PDE6B: variants seen among roughly 807,000 people sequenced by gnomAD.
PDE6B encodes the protein rod cGMP-specific 3',5'-cyclic phosphodiesterase subunit beta.
Under a neutral mutation model 109.0 loss-of-function variants are expected in PDE6B, and 106 were observed. The observed-to-expected ratio is 0.97, with a 90% CI of 0.83 to 1.14. The LOEUF (loss-of-function observed/expected upper bound fraction) is 1.14. Ranked by LOEUF, PDE6B falls within the 50% of genes most tolerant of loss-of-function variation. The probability of loss-of-function intolerance (pLI) is 0.00; values close to 1 mark genes in which losing one functional copy is unlikely to be tolerated. For synonymous variants in PDE6B, 490 were observed against 471.3 expected, an observed-to-expected ratio of 1.04 and a Z score of -0.51; for missense variants, 1,193 against 1,155.6, an observed-to-expected ratio of 1.03 and a Z score of -0.47.
rs776654182 is a variant in PDE6B at position 662,550 on chromosome 4, C to T, written c.1764C>T (p.Phe588=). 1.3e-5 allele frequency: 21 copies of T among 1,613,008 alleles called. No homozygotes were observed. Among genetic ancestry groups the T allele is most frequent in the African/African-American group, 2.7e-5 (2 of 74,946 alleles). The change falls in exon 14 of 22, where the codon TTC becomes TTT. Residue 588 remains phenylalanine, a synonymous_variant. Transcript: ENST00000496514. This position sits in a 1 kb window ranked among gnomAD's most constrained non-coding sequence, Gnocchi z 4.3. ...GCTACTACACGGACCTGGAGGCCTT[C>T]GCCATGGTGACAGCCGGCCTGTGCC... ...LKSYYTDLEA[F]AMVTAGLCHD... is the part of the protein sequence containing the mutation.
At chr4:628,344 T>A (rs1734220328) in intron 1 of PDE6B, among the ~76,000 whole-genome samples, 1 of 152,192 alleles carries the variant, frequency 6.6e-6, no homozygotes, top group South Asian at 2.1e-4. Flanking sequence ...CACCGGCCAG[T>A]TCAGGAGAGC....
chr4:631,469 G>C (rs2030100024), intron 1 of PDE6B, among the ~76,000 whole-genome samples: 1 of 152,050 alleles, frequency 6.6e-6, no homozygotes, highest in African/African-American at 2.4e-5. Flanking sequence ...GGGTTACATT[G>C]TGTGGATCCC....
In PDE6B at chr4:662,218, C is replaced by A; in HGVS notation, c.1699C>A (p.Gln567Lys). The part of the protein sequence containing the change: ...HNWRHGFNVA[Q>K]TMFTLLMTGK... Reference sequence around the variant, plus strand: ...CTGGCGCCACGGCTTCAACGTGGCCCAGACGATGTTCACGCTGCTCATGGT... The same window carrying A: ...CTGGCGCCACGGCTTCAACGTGGCCAAGACGATGTTCACGCTGCTCATGGT... The change falls in exon 13 of 22, where the codon CAG (glutamine) becomes AAG (lysine). Residue 567 changes from glutamine to lysine, a missense_variant. By Grantham distance (53) the Gln-to-Lys change is moderately conservative. Coordinates refer to ENST00000496514, the MANE Select transcript of PDE6B (RefSeq NM_000283.4). The surrounding 1 kb of genome is among the most constrained non-coding windows in gnomAD (Gnocchi z 4.3). 2 of 1,568,656 alleles carry A rather than the reference C, an allele frequency of 1.3e-6. No individual in the cohort carries two copies. The highest frequency in any genetic ancestry group is 2.3e-5 in the East Asian group (1 of 42,708).
intron 3 of PDE6B, among the ~76,000 whole-genome samples, chr4:650,287 T>G (rs1264478186): frequency 1.3e-5 from 2 of 152,314 alleles, no homozygotes; most frequent in South Asian, 4.1e-4. Flanking sequence ...GTCGAGACAA[T>G]TCACGTAAGA....
rs777706356 is a variant in PDE6B at position 663,067 on chromosome 4, C to A, written c.1833-33C>A. On this transcript the variant is annotated intron_variant, in intron 14 of 21. Transcript: ENST00000496514. This position sits in a 1 kb window ranked among gnomAD's most constrained non-coding sequence, Gnocchi z 4.0. ...GCGCAGGGTGGGCCAAGGGCAGGTC[C>A]CACGGGCCTCACCTCCACCACCTGT... 1.5e-5 allele frequency: 19 copies of A among 1,293,814 alleles called. No individual in the cohort carries two copies. In the African/African-American group the frequency reaches 2.8e-4, roughly 19 times the overall value. 80.1% of individuals were successfully genotyped at this position (1,293,814 alleles called of 1,614,324 possible). A position where few individuals can be genotyped will look rare whatever the true frequency, so the allele number is the denominator to read the frequency against.
chr4:660,938 AAATG>A (rs778753807), intron 12 of PDE6B, among the ~76,000 whole-genome samples: 3 of 126,376 alleles, frequency 2.4e-5, no homozygotes, highest in Non-Finnish European at 3.2e-5. Flanking sequence ...AAGGAAGAAT[AAATG>A]AATGGATGGG....
intron 20 of PDE6B, among the ~76,000 whole-genome samples, chr4:667,017 G>A (rs1400010884): frequency 2.0e-5 from 3 of 152,226 alleles, no homozygotes; most frequent in Admixed American, 6.5e-5. Flanking sequence ...GGGCTGGGTC[G>A]GCCTGTCTGC....
intron 10 of PDE6B, among the ~76,000 whole-genome samples, chr4:658,749 G>A (rs1481812237): frequency 6.6e-6 from 1 of 152,204 alleles, no homozygotes; most frequent in East Asian, 1.9e-4. Flanking sequence ...GTAAGGCAGT[G>A]CCCGAGAGAG....
intron 2 of PDE6B, 137 bp from the exon 3 acceptor site, chr4:635,743 C>T: frequency 1.4e-6 from 1 of 705,602 alleles, no homozygotes; most frequent in South Asian, 1.5e-5. Flanking sequence ...TGTGCCAATC[C>T]ATGTCTGCCT....
chr4:655,580 G>C, intron 6 of PDE6B: 1 of 399,796 alleles, frequency 2.5e-6, no homozygotes, highest in East Asian at 5.8e-5. Context: ...GCCTGGGGAG[G>C]AGGAAGAAGG....
chr4:666,512 CCT>C lies in PDE6B; in HGVS notation c.2269-16_2269-15del, dbSNP rs1478564797. ...GCCTCCCTGGTCACTGTTCTCCCGC[CCT>C]CTGTTCCTCCCACCAGCCTATGATG... On this transcript the variant is annotated splice_polypyrimidine_tract_variant and intron_variant, in intron 19 of 21. Coordinates refer to ENST00000496514, the MANE Select transcript of PDE6B (RefSeq NM_000283.4). This position sits in a 1 kb window ranked among gnomAD's most constrained non-coding sequence, Gnocchi z 5.6. 6.3e-7 allele frequency: 1 copy of C among 1,584,602 alleles called. No individual in the cohort carries two copies. Among genetic ancestry groups the C allele is most frequent in the South Asian group, 1.1e-5 (1 of 90,480 alleles).
Position 657,017 on chromosome 4 carries a change from CA to C in PDE6B, c.1252del (p.Met418TrpfsTer4). 6.2e-7 allele frequency: 1 copy of C among 1,613,150 alleles called. No individual in the cohort carries two copies. The highest frequency in any genetic ancestry group is 8.5e-7 in the Non-Finnish European group (1 of 1,179,932). Reference sequence around the variant, plus strand: ...CCTTTGACGAACAGGACGAGGTTCTCATGGAGGTAAGCACCTGGGCAGACGT... The same window carrying C: ...CCTTTGACGAACAGGACGAGGTTCTCTGGAGGTAAGCACCTGGGCAGACGT... ...KPFDEQDEVLMESLTQFLGWS... is the reference protein window; with the variant it reads ...KPFDEQDEVLXESLTQFLGWS... On this transcript the variant is annotated frameshift_variant, in exon 9 of 22. Transcript: ENST00000496514. LOFTEE classifies it high-confidence loss of function.
At chr4:642,725 CA>C (rs71636506) in intron 3 of PDE6B, among the ~76,000 whole-genome samples, 862 of 43,318 alleles carry the variant, frequency 0.02, 4 homozygotes, top group African/African-American at 0.031. Context: ...GACACTGTCT[CA>C]AAAAAAAAAA....
intron 3 of PDE6B, among the ~76,000 whole-genome samples, chr4:649,169 G>A (rs888845467): frequency 6.6e-6 from 1 of 152,218 alleles, no homozygotes; most frequent in Non-Finnish European, 1.5e-5. Context: ...GGGGCGGGGC[G>A]GGTGATCCTG....
intron 20 of PDE6B, among the ~76,000 whole-genome samples, chr4:667,409 C>A (rs1020033116): frequency 4.6e-5 from 7 of 152,298 alleles, no homozygotes; most frequent in African/African-American, 1.4e-4. Flanking sequence ...AGGTGCCCCC[C>A]ACTGCCTTCC....
chr4:670,119 A>G lies in PDE6B; in HGVS notation c.*12A>G, dbSNP rs28675771. 0.64 allele frequency: 1,023,950 copies of G among 1,610,026 alleles called. 329,275 individuals are homozygous for G. The highest frequency in any genetic ancestry group is 0.66 in the Non-Finnish European group (775,283 of 1,177,068). On this transcript the variant is annotated 3_prime_UTR_variant, in exon 22 of 22. Transcript: ENST00000496514. ...GCTGTATCCTGTGAGCACTGGTCCC[A>G]TGGGGACCCTATGGCTCCCTCAATC...
rs553686700 is a variant in PDE6B, at chr4:655,824, C to T, written c.993-116C>T. On this transcript the variant is annotated intron_variant, in intron 6 of 21. Transcript: ENST00000496514. The stretch of plus-strand genomic sequence containing the variant: ...AGCCCCTCTGACCCCTGCACACACA[C>T]GTGCAGCCTAGACCAGCCCCTCTCA... 2.6e-4 allele frequency: 199 copies of T among 764,618 alleles called. 2 individuals are homozygous for T. Among genetic ancestry groups the T allele is most frequent in the South Asian group, 2.3e-3 (166 of 72,404 alleles). The allele number at this position is 764,618 out of a possible 1,614,324, so 47.4% of individuals were successfully genotyped here.
intron 5 of PDE6B, 65 bp from the exon 6 acceptor site, chr4:654,759 G>A: frequency 1.2e-6 from 1 of 852,454 alleles, no homozygotes; most frequent in Non-Finnish European, 2.1e-6. Flanking sequence ...GTAGCTGTGT[G>A]TGTGTGTGTG....
chr4:653,164 G>C, intron 3 of PDE6B: 4 of 992,628 alleles, frequency 4.0e-6, no homozygotes, highest in Non-Finnish European at 4.8e-6. Flanking sequence ...CAGGGAGAGA[G>C]CTGGGCTAGG....
Sources: gnomAD v4.1 joint callset for allele counts (sites outside exome capture counted in the v4.1 genomes callset) on GRCh38, gnomAD v4.1.1 for gene constraint, Gnocchi (gnomAD v3.1) non-coding constraint, MANE v1.5 for transcripts, NCBI Gene and HGNC (gene_info 2026-07-23, HGNC 2026-07-21) for gene names.